The following METTL15 variants were observed in gnomAD, a reference collection of about 807,000 sequenced individuals.
The protein encoded by METTL15 is 12S rRNA N(4)-cytidine methyltransferase METTL15.
Under a neutral mutation model 38.3 loss-of-function variants are expected in METTL15, and 34 were observed. That is an observed-to-expected ratio of 0.89 (90% CI 0.68 to 1.18). METTL15 has a LOEUF of 1.18. Among genes scored for constraint, METTL15 ranks in the 50% most tolerant of loss-of-function variants. The probability of loss-of-function intolerance (pLI) is 0.00; values close to 1 mark genes in which losing one functional copy is unlikely to be tolerated. For synonymous variants in METTL15, 162 were observed against 170.9 expected (o/e 0.95, Z 0.41); for missense variants, 438 against 498.4 (o/e 0.88, Z 1.15).
At chr11:28,145,648 A>C (rs1050288431) in intron 3 of METTL15, 6 of 152,028 alleles carry the variant, frequency 3.9e-5, no homozygotes, top group African/African-American at 1.4e-4. Flanking sequence ...CCATTCTCCC[A>C]ACCCAATGGC....
At chr11:28,157,785 C>A (rs1056342512) in intron 3 of METTL15, among the ~76,000 whole-genome samples, 2 of 152,142 alleles carry the variant, frequency 1.3e-5, no homozygotes, top group African/African-American at 2.4e-5. Flanking sequence ...CTCCTGCCAC[C>A]CAGCCTTCTC....
chr11:28,325,943 T>C (rs1214715031), intron 6 of METTL15, among the ~76,000 whole-genome samples: 1 of 152,224 alleles, frequency 6.6e-6, no homozygotes, highest in Non-Finnish European at 1.5e-5. Flanking sequence ...TCATGTATAT[T>C]GGTACTAGGT....
At chr11:28,181,726 C>T (rs1851297459) in intron 3 of METTL15, among the ~76,000 whole-genome samples, 1 of 146,680 alleles carries the variant, frequency 6.8e-6, no homozygotes, top group South Asian at 2.2e-4. Flanking sequence ...TACGTGTGTG[C>T]ATGTGTCTTT....
At chr11:28,176,649 G>T (rs1262983605) in intron 3 of METTL15, among the ~76,000 whole-genome samples, 1 of 152,078 alleles carries the variant, frequency 6.6e-6, no homozygotes, top group Non-Finnish European at 1.5e-5. Flanking sequence ...GCATCATATG[G>T]TATGCAGTCT....
intron 4 of METTL15, among the ~76,000 whole-genome samples, chr11:28,272,956 A>G (rs1354355315): frequency 2.6e-5 from 4 of 152,212 alleles, no homozygotes; most frequent in Non-Finnish European, 5.9e-5. Context: ...CACTTATTCT[A>G]TACCCTATTA....
At chr11:28,225,387 A>G (rs181377305) in intron 4 of METTL15, among the ~76,000 whole-genome samples, 3 of 152,000 alleles carry the variant, frequency 2.0e-5, no homozygotes, top group African/African-American at 4.8e-5. Context: ...TGCAGAAAGG[A>G]TACATCTGAG....
chr11:28,193,261 TAAA>T (rs1851766676), intron 3 of METTL15, among the ~76,000 whole-genome samples: 3 of 152,044 alleles, frequency 2.0e-5, no homozygotes, highest in Admixed American at 1.3e-4. Context: ...GGGTAATTTA[TAAA>T]GAAAAGAAGT....
Position 28,351,616 on chromosome 11 carries a change from GTC to G in METTL15, c.*190-472_*190-471del, listed in dbSNP as rs1850042689. On this transcript the variant is annotated intron_variant and NMD_transcript_variant, in intron 3 of 7. Coordinates refer to the METTL15 transcript ENST00000532947. ...TGAAAGGTTGTATACAACTCCATGA[GTC>G]TGAACAGTTTGCTGCCTATGCCCTA... Among the ~76,000 whole-genome samples the G allele has an allele frequency of 3.3e-5, 5 of 152,314 alleles. No homozygotes were observed. The South Asian group carries it at 1.0e-3, about 32-fold the overall frequency.
intron 5 of METTL15, among the ~76,000 whole-genome samples, chr11:28,388,174 C>T (rs115555774): frequency 1.5e-3 from 230 of 152,198 alleles, no homozygotes; most frequent in African/African-American, 5.4e-3. Context: ...CTCACTCTCA[C>T]TGCTTCTATT....
At chr11:28,485,078 G>T (rs577942238) in intron 6 of METTL15, among the ~76,000 whole-genome samples, 1 of 150,980 alleles carries the variant, frequency 6.6e-6, no homozygotes, top group East Asian at 2.0e-4. Flanking sequence ...AGTTTTTCCT[G>T]ATCTGTGACA....
rs568465349 is a variant in METTL15 at position 28,310,045 on chromosome 11, A to AC, written c.778+13121dup. ...ATCTTCTTCCCATTGAATTTAATAG[A>AC]CCCCCCCATCAACTACTGACACCTG... On this transcript the variant is annotated intron_variant, in intron 6 of 6. Transcript: ENST00000407364. Among the ~76,000 whole-genome samples the AC allele has an allele frequency of 3.3e-3, 493 of 151,570 alleles. 2 individuals carry two copies. Among genetic ancestry groups the AC allele is most frequent in the Non-Finnish European group, 5.7e-3 (390 of 67,886 alleles).
chr11:28,501,775 G>A (rs915592611), intron 6 of METTL15, among the ~76,000 whole-genome samples: 2 of 152,098 alleles, frequency 1.3e-5, no homozygotes, highest in Admixed American at 6.5e-5. Flanking sequence ...GTAGATATGA[G>A]CAAGAACCCT....
chr11:28,159,595 C>T (rs1356947798), intron 3 of METTL15, among the ~76,000 whole-genome samples: 1 of 152,122 alleles, frequency 6.6e-6, no homozygotes, highest in Non-Finnish European at 1.5e-5. Flanking sequence ...AGTCTTTCCC[C>T]CTTCTTTTGT....
intron 3 of METTL15, among the ~76,000 whole-genome samples, chr11:28,204,580 TTAATAA>T (rs1852244279): frequency 6.6e-6 from 1 of 151,696 alleles, no homozygotes; most frequent in Non-Finnish European, 1.5e-5. Context: ...ACTTCATGAC[TTAATAA>T]GACACAGAGA....
At chr11:28,243,250 AAGCAG>A (rs1190242635) in intron 4 of METTL15, among the ~76,000 whole-genome samples, 1 of 152,162 alleles carries the variant, frequency 6.6e-6, no homozygotes. Flanking sequence ...GCACTATTCC[AAGCAG>A]AGTATGAAGT....
chr11:28,173,989 A>T (rs1023074835), intron 3 of METTL15, among the ~76,000 whole-genome samples: 38 of 152,100 alleles, frequency 2.5e-4, no homozygotes, highest in African/African-American at 9.2e-4. Context: ...GTTGATGTTG[A>T]CCTCCATTAC....
At chr11:28,249,917 C>T (rs1016371528) in intron 4 of METTL15, among the ~76,000 whole-genome samples, 6 of 151,944 alleles carry the variant, frequency 3.9e-5, no homozygotes, top group African/African-American at 1.4e-4. Flanking sequence ...TCTGTTTTTC[C>T]CCTATGTCCA....
chr11:28,293,955 G>C (rs1489669784), intron 5 of METTL15, among the ~76,000 whole-genome samples: 1 of 152,038 alleles, frequency 6.6e-6, no homozygotes, highest in Non-Finnish European at 1.5e-5. Context: ...GGAGATTTTG[G>C]GCTGAGACGA....
intron 5 of METTL15, chr11:28,398,650 T>G (rs1850599289): frequency 6.6e-6 from 1 of 152,174 alleles, no homozygotes; most frequent in Non-Finnish European, 1.5e-5. Flanking sequence ...GATAGTTTCT[T>G]TTGCTGTCAG....
Sources: gnomAD v4.1 joint callset for allele counts (sites outside exome capture counted in the v4.1 genomes callset) on GRCh38, gnomAD v4.1.1 for gene constraint, MANE v1.5 for transcripts, NCBI Gene and HGNC (gene_info 2026-07-23, HGNC 2026-07-21) for gene names.